TTC8: variants seen among roughly 807,000 people sequenced by gnomAD.
TTC8 encodes tetratricopeptide repeat protein 8.
In TTC8, 47 loss-of-function variants were observed where a neutral mutation model predicts 72.5. The ratio of observed to expected loss-of-function variants is 0.65; its 90% CI spans 0.51 to 0.83. The LOEUF (loss-of-function observed/expected upper bound fraction) is 0.83. Ranked by LOEUF, TTC8 falls within the 40% of genes least tolerant of loss-of-function variation. TTC8 has a pLI of 0.00. For missense variants in TTC8, 611 were observed against 623.2 expected (o/e 0.98, Z 0.21); for synonymous variants, 199 against 221.4 (o/e 0.90, Z 0.90).
At chr14:88,830,784 T>A (rs901099698) in intron 1 of TTC8, 10 of 450,288 alleles carry the variant, frequency 2.2e-5, no homozygotes, top group African/African-American at 4.0e-5. Context: ...GAACTACAAC[T>A]GAGAGCGACC....
intron 7 of TTC8, chr14:88,846,892 G>A (rs2094809461): frequency 6.2e-6 from 2 of 324,156 alleles, no homozygotes; most frequent in African/African-American, 2.2e-5. Context: ...ACCCTAATAC[G>A]TAAAACAGAC....
chr14:88,826,441 A>G (rs1595922200), intron 1 of TTC8, among the ~76,000 whole-genome samples: 1 of 151,726 alleles, frequency 6.6e-6, no homozygotes, highest in South Asian at 2.1e-4. Context: ...ACGGTGGCTT[A>G]TGCCTGTAAA....
chr14:88,856,439 C>T (rs2094856492), intron 8 of TTC8, among the ~76,000 whole-genome samples: 1 of 152,156 alleles, frequency 6.6e-6, no homozygotes, highest in Non-Finnish European at 1.5e-5. Context: ...ATCTGAGTAG[C>T]TCTCAGATAG....
At chr14:88,848,632 A>C (rs953070053) in intron 7 of TTC8, among the ~76,000 whole-genome samples, 4 of 152,172 alleles carry the variant, frequency 2.6e-5, no homozygotes, top group Non-Finnish European at 1.5e-5. Context: ...GCCATTAAAA[A>C]CCATAATTAT....
intron 12 of TTC8, among the ~76,000 whole-genome samples, chr14:88,872,110 T>G (rs1381435866): frequency 6.6e-6 from 1 of 152,190 alleles, no homozygotes; most frequent in Non-Finnish European, 1.5e-5. Flanking sequence ...TACATCCAGG[T>G]TTGGCAGTAG....
At chr14:88,858,098 A>T (rs577446715) in intron 9 of TTC8, among the ~76,000 whole-genome samples, 24 of 151,594 alleles carry the variant, frequency 1.6e-4, no homozygotes, top group Non-Finnish European at 2.9e-4. Flanking sequence ...AGTAGCTGGG[A>T]TTACAGATGC....
At chr14:88,849,758 TA>T (rs2094825200) in intron 7 of TTC8, among the ~76,000 whole-genome samples, 1 of 152,204 alleles carries the variant, frequency 6.6e-6, no homozygotes, top group African/African-American at 2.4e-5. Context: ...CAGTGGTATT[TA>T]AATGTTAGGA....
chr14:88,825,830 T>TG (rs1283948384), intron 1 of TTC8, among the ~76,000 whole-genome samples: 2 of 152,206 alleles, frequency 1.3e-5, no homozygotes, highest in Non-Finnish European at 2.9e-5. Flanking sequence ...CCTGCTGAGA[T>TG]GAACATTTTG....
intron 9 of TTC8, among the ~76,000 whole-genome samples, chr14:88,860,737 A>G (rs1414401318): frequency 6.6e-6 from 1 of 152,206 alleles, no homozygotes; most frequent in Non-Finnish European, 1.5e-5. Context: ...TATGTATAAC[A>G]TGTGGAGATA....
intron 6 of TTC8, 27 bp from the exon 7 acceptor site, chr14:88,843,779 G>T (rs768111024): frequency 1.3e-6 from 2 of 1,559,264 alleles, no homozygotes; most frequent in African/African-American, 1.4e-5. Context: ...AAAATCTAAC[G>T]TATTTTTGAC....
intron 9 of TTC8, among the ~76,000 whole-genome samples, chr14:88,859,737 A>G (rs1213476019): frequency 6.6e-6 from 1 of 150,886 alleles, no homozygotes; most frequent in African/African-American, 2.4e-5. Context: ...AGCCTGGACA[A>G]CATAGTGAGA....
At chr14:88,846,192 A>G (rs551715560) in intron 7 of TTC8, among the ~76,000 whole-genome samples, 1 of 152,126 alleles carries the variant, frequency 6.6e-6, no homozygotes, top group South Asian at 2.1e-4. Context: ...TTGTAGTCCC[A>G]GCTACTCTAG....
In TTC8 at chr14:88,871,682, G is replaced by C. The variant is rs754152338; in HGVS notation, c.1183G>C (p.Glu395Gln). The change falls in exon 12 of 15, where the codon GAG becomes CAG. Residue 395 changes from glutamate to glutamine, a missense_variant. Glu to Gln is a conservative substitution (Grantham distance 29). Coordinates refer to ENST00000380656, the MANE Select transcript of TTC8 (RefSeq NM_144596.4). The surrounding 1 kb of genome is among the most constrained non-coding windows in gnomAD (Gnocchi z 4.1). ...RALSLAENEE[E>Q]AADVWYNLGH... ...CCTTTCTTTGGCTGAAAATGAAGAA[G>C]AGGCAGCTGATGTCTGGTACAACTT... The C allele has an allele frequency of 6.2e-7, 1 of 1,613,998 alleles. No homozygotes were observed. The highest frequency in any genetic ancestry group is 1.7e-5 in the Admixed American group (1 of 59,992).
At chr14:88,843,484 A>G (rs964715005) in intron 6 of TTC8, among the ~76,000 whole-genome samples, 13 of 152,288 alleles carry the variant, frequency 8.5e-5, no homozygotes, top group African/African-American at 3.1e-4. Flanking sequence ...TATCATAATC[A>G]CTGTATAATA....
At chr14:88,872,494 T>C in intron 13 of TTC8, 42 bp downstream of exon 13, 1 of 1,611,228 alleles carries the variant, frequency 6.2e-7, no homozygotes, top group Non-Finnish European at 8.5e-7. Context: ...TCTGCTTTCT[T>C]CAGAGAAAAG....
downstream of TTC8, chr14:88,879,044 T>C (rs1403525606): frequency 6.6e-6 from 1 of 152,086 alleles, no homozygotes; most frequent in South Asian, 2.1e-4. Context: ...AAATGAACAT[T>C]GTGTGCATTA....
chr14:88,841,351 T>C, intron 5 of TTC8, 74 bp from the exon 6 acceptor site: 1 of 1,599,154 alleles, frequency 6.3e-7, no homozygotes, highest in South Asian at 1.1e-5. Flanking sequence ...CCTTTATATT[T>C]TTATGCATAT....
intron 14 of TTC8, 100 bp downstream of exon 14, chr14:88,875,209 C>A: frequency 9.9e-7 from 1 of 1,006,846 alleles, no homozygotes; most frequent in Non-Finnish European, 1.5e-6. Context: ...CCTCATCTTC[C>A]TGAAAGAAAT....
At chr14:88,852,289 G>A (rs1217305819) in intron 7 of TTC8, among the ~76,000 whole-genome samples, 1 of 151,982 alleles carries the variant, frequency 6.6e-6, no homozygotes, top group African/African-American at 2.4e-5. Flanking sequence ...AACAATAGAG[G>A]GAACAAACTC....
Sources: allele counts gnomAD v4.1 joint callset (sites outside exome capture counted in the v4.1 genomes callset), GRCh38; gene constraint gnomAD v4.1.1; non-coding constraint Gnocchi (gnomAD v3.1); transcripts MANE v1.5; gene names NCBI Gene and HGNC (gene_info 2026-07-23, HGNC 2026-07-21).